The following ME1 variants were observed in gnomAD, a reference collection of about 807,000 sequenced individuals.
The protein encoded by ME1 is NADP-dependent malic enzyme.
A neutral mutation model predicts 66.4 loss-of-function variants in ME1; 74 were observed. The observed-to-expected ratio is 1.11, with a 90% CI of 0.92 to 1.35. The LOEUF is 1.35. Among genes scored for constraint, ME1 ranks in the 40% most tolerant of loss-of-function variants. The pLI, the probability that ME1 is intolerant of heterozygous loss-of-function variation, is 0.00. For synonymous variants in ME1, 251 were observed against 235.6 expected (o/e 1.07, Z -0.60); for missense variants, 750 against 694.1 (o/e 1.08, Z -0.90).
At chr6:83,414,125 A>AAAAC in intron 1 of ME1, among the ~76,000 whole-genome samples, 1 of 146,864 alleles carries the variant, frequency 6.8e-6, no homozygotes, top group Non-Finnish European at 1.5e-5. Flanking sequence ...AAAAAAAAAA[A>AAAAC]AAAAAACTAA....
intron 3 of ME1, among the ~76,000 whole-genome samples, chr6:83,372,281 G>A (rs1177785103): frequency 6.6e-6 from 1 of 152,116 alleles, no homozygotes; most frequent in African/African-American, 2.4e-5. Context: ...CAATTCTTAA[G>A]AACTATCAGC....
chr6:83,408,337 T>C (rs1769985972), intron 1 of ME1, among the ~76,000 whole-genome samples: 1 of 152,186 alleles, frequency 6.6e-6, no homozygotes, highest in Admixed American at 6.5e-5. Context: ...CTTATATGAT[T>C]CTGAGTTACC....
At chr6:83,305,143 G>A (rs1449292903) in intron 6 of ME1, among the ~76,000 whole-genome samples, 1 of 152,088 alleles carries the variant, frequency 6.6e-6, no homozygotes, top group Non-Finnish European at 1.5e-5. Flanking sequence ...ACATTGTCTT[G>A]TGTGGCCTCC....
At chr6:83,261,420 ATTTT>A (rs57450786) in intron 6 of ME1, among the ~76,000 whole-genome samples, 28 of 110,876 alleles carry the variant, frequency 2.5e-4, no homozygotes, top group African/African-American at 5.3e-4. Flanking sequence ...TCTGTTGGTA[ATTTT>A]TTTTTTTTTT....
intron 5 of ME1, among the ~76,000 whole-genome samples, chr6:83,341,716 T>C (rs953293313): frequency 3.3e-5 from 5 of 152,150 alleles, no homozygotes; most frequent in African/African-American, 1.2e-4. Flanking sequence ...GCGGGGAATC[T>C]AAGGCCGTTT....
At chr6:83,324,802 T>C (rs1200392824) in intron 5 of ME1, among the ~76,000 whole-genome samples, 3 of 149,032 alleles carry the variant, frequency 2.0e-5, no homozygotes, top group African/African-American at 7.5e-5. Context: ...GAGGAGCTGG[T>C]ACCATTCCTT....
intron 5 of ME1, among the ~76,000 whole-genome samples, chr6:83,325,773 G>T (rs1019292811): frequency 2.0e-5 from 3 of 152,024 alleles, no homozygotes; most frequent in Non-Finnish European, 2.9e-5. Context: ...TCAATATCAT[G>T]AAACTGACCA....
chr6:83,332,663 C>G (rs1277548548), intron 5 of ME1, among the ~76,000 whole-genome samples: 1 of 152,088 alleles, frequency 6.6e-6, no homozygotes, highest in African/African-American at 2.4e-5. Flanking sequence ...GAATGGAAGA[C>G]CAAATACTGC....
At chr6:83,248,999 A>T (rs1041034704) in intron 7 of ME1, among the ~76,000 whole-genome samples, 2 of 152,182 alleles carry the variant, frequency 1.3e-5, no homozygotes, top group Non-Finnish European at 2.9e-5. Flanking sequence ...AAGAAATTTA[A>T]TATAAAAAAG....
chr6:83,359,335 C>A (rs1009994470), intron 3 of ME1, among the ~76,000 whole-genome samples: 1 of 152,130 alleles, frequency 6.6e-6, no homozygotes, highest in Admixed American at 6.5e-5. Context: ...AAGTGTGACC[C>A]ATGAGGAGGT....
intron 7 of ME1, among the ~76,000 whole-genome samples, chr6:83,247,919 T>A (rs938257716): frequency 6.6e-6 from 1 of 152,236 alleles, no homozygotes; most frequent in Non-Finnish European, 1.5e-5. Flanking sequence ...ACTATATATG[T>A]GCAGATTATA....
intron 5 of ME1, among the ~76,000 whole-genome samples, chr6:83,345,970 T>C (rs769546307): frequency 1.2e-4 from 18 of 151,742 alleles, no homozygotes; most frequent in Non-Finnish European, 2.1e-4. Flanking sequence ...GGGAAGCAAA[T>C]AAAAGATTAA....
chr6:83,279,133 C>T (rs557855980), intron 6 of ME1, among the ~76,000 whole-genome samples: 2 of 152,238 alleles, frequency 1.3e-5, no homozygotes, highest in South Asian at 4.1e-4. Context: ...TAGACAAAAA[C>T]AATGACACTG....
intron 3 of ME1, among the ~76,000 whole-genome samples, chr6:83,365,200 C>T (rs932901626): frequency 4.6e-5 from 7 of 152,206 alleles, no homozygotes; most frequent in African/African-American, 1.7e-4. Context: ...TCAACCAATT[C>T]TCCTGCCTCA....
chr6:83,230,906 C>A (rs1171249291), intron 9 of ME1, among the ~76,000 whole-genome samples: 1 of 151,918 alleles, frequency 6.6e-6, no homozygotes, highest in Non-Finnish European at 1.5e-5. Context: ...GCACTCCAGC[C>A]TGGGCGACAG....
intron 1 of ME1, among the ~76,000 whole-genome samples, chr6:83,416,431 T>G (rs1485166980): frequency 6.6e-6 from 1 of 152,194 alleles, no homozygotes; most frequent in East Asian, 1.9e-4. Context: ...AAGAACCAAT[T>G]TAGCCCCCTA....
chr6:83,429,566 AAAC>A (rs1216837524), intron 1 of ME1, among the ~76,000 whole-genome samples: 72 of 152,320 alleles, frequency 4.7e-4, no homozygotes, highest in African/African-American at 1.7e-3. Context: ...AGAAAAGAAA[AAAC>A]AATCAAACTA....
At chr6:83,416,510 G>A (rs961803699) in intron 1 of ME1, among the ~76,000 whole-genome samples, 4 of 152,124 alleles carry the variant, frequency 2.6e-5, no homozygotes, top group African/African-American at 7.2e-5. Flanking sequence ...AGTAATTAAG[G>A]AGGCCTGAAC....
intron 5 of ME1, among the ~76,000 whole-genome samples, chr6:83,339,991 A>AAAAG (rs1562484783): frequency 2.7e-5 from 4 of 147,942 alleles, no homozygotes; most frequent in Admixed American, 6.8e-5. Context: ...AGAAAAGAAA[A>AAAAG]GAAATGTGAA....
Sources: gnomAD v4.1 joint callset for allele counts (sites outside exome capture counted in the v4.1 genomes callset) on GRCh38, gnomAD v4.1.1 for gene constraint, MANE v1.5 for transcripts, NCBI Gene and HGNC (gene_info 2026-07-23, HGNC 2026-07-21) for gene names.